Variants in TLE4 observed in about 807,000 individuals in gnomAD.
The protein encoded by TLE4 is transducin-like enhancer protein 4.
Under a neutral mutation model 92.8 loss-of-function variants are expected in TLE4, and 8 were observed. The ratio of observed to expected loss-of-function variants is 0.09; its 90% CI spans 0.05 to 0.16. The LOEUF (loss-of-function observed/expected upper bound fraction) is 0.16, where lower values mean the gene tolerates loss of function less well. TLE4 is among the 10% of genes least tolerant of loss of function. The pLI is 1.00. For missense variants in TLE4, 675 were observed against 997.6 expected, an observed-to-expected ratio of 0.68 and a Z score of 4.36; for synonymous variants, 371 against 374.1, an observed-to-expected ratio of 0.99 and a Z score of 0.10.
rs1348961332 is a variant in TLE4 at position 79,572,819 on chromosome 9, C to T, written c.29C>T (p.Pro10Leu). Residue 10 changes from proline to leucine, a missense_variant, in exon 1 of 20, where the codon CCG becomes CTG. Coordinates refer to ENST00000376552, the MANE Select transcript of TLE4 (RefSeq NM_007005.6). ...ATTCGCGACCTGAGCAAGATGTACC[C>T]GCAGACCAGACACCCAGTGAGTGCG... MIRDLSKMY[P>L]QTRHPAPHQP... The T allele has an allele frequency of 6.3e-7, 1 of 1,599,946 alleles. No individual in the cohort carries two copies. The highest frequency in any genetic ancestry group is 8.5e-7 in the Non-Finnish European group (1 of 1,174,114).
At chr9:79,581,597 C>G (rs987210226) in intron 4 of TLE4, among the ~76,000 whole-genome samples, 1 of 152,168 alleles carries the variant, frequency 6.6e-6, no homozygotes, top group Non-Finnish European at 1.5e-5. Flanking sequence ...AAATTCTTAT[C>G]GTTAGTTCTC....
chr9:79,717,504 C>T (rs990444824), intron 14 of TLE4, among the ~76,000 whole-genome samples: 3 of 152,238 alleles, frequency 2.0e-5, no homozygotes, highest in Admixed American at 6.5e-5. Flanking sequence ...AGTAAAAGCC[C>T]GCCACTGTCT....
chr9:79,617,464 A>G (rs976474436), intron 5 of TLE4, among the ~76,000 whole-genome samples: 10 of 152,178 alleles, frequency 6.6e-5, no homozygotes, highest in Non-Finnish European at 1.5e-4. Flanking sequence ...CTTGAAAAGC[A>G]GTAGGTCAGT....
intron 4 of TLE4, among the ~76,000 whole-genome samples, chr9:79,597,406 C>T (rs1373681421): frequency 6.6e-6 from 1 of 152,196 alleles, no homozygotes; most frequent in Non-Finnish European, 1.5e-5. Context: ...GCTCTGTCCT[C>T]TTCTCTGCTT....
intron 4 of TLE4, among the ~76,000 whole-genome samples, chr9:79,583,851 C>T (rs567738632): frequency 6.6e-6 from 1 of 152,120 alleles, no homozygotes; most frequent in South Asian, 2.1e-4. Flanking sequence ...TTTAATGTTC[C>T]TTATGTTCTG....
At chr9:79,623,266 A>G (rs1444997924) in intron 5 of TLE4, among the ~76,000 whole-genome samples, 1 of 151,978 alleles carries the variant, frequency 6.6e-6, no homozygotes, top group Non-Finnish European at 1.5e-5. Context: ...GAAGTACTGC[A>G]TCTGTTGCTG....
At position 79,601,482 on chromosome 9, in the gene TLE4, T is replaced by C. The variant is rs772040359; in HGVS notation, c.253-11174T>C. On this transcript the variant is annotated intron_variant, in intron 4 of 19. Transcript: ENST00000376552. ...GAGCTGTTCTTCCAATAGCCTGTGC[T>C]CACTTCGTGTCTCTGTGTCACATTT... The C allele has an allele frequency of 2.6e-5, 12 of 454,764 alleles. No homozygotes were observed. In the Middle Eastern group the frequency reaches 2.3e-3, roughly 85 times the overall value. 28.2% of individuals were successfully genotyped at this position (454,764 alleles called of 1,614,324 possible).
intron 6 of TLE4, among the ~76,000 whole-genome samples, chr9:79,633,969 C>T (rs1178449912): frequency 6.6e-6 from 1 of 152,090 alleles, no homozygotes; most frequent in Non-Finnish European, 1.5e-5. Flanking sequence ...CTCAAAGCTC[C>T]CTAAGAAACC....
intron 6 of TLE4, among the ~76,000 whole-genome samples, chr9:79,628,510 G>A (rs1587506081): frequency 6.6e-6 from 1 of 151,886 alleles, no homozygotes; most frequent in Admixed American, 6.6e-5. Flanking sequence ...CTGATGTTGA[G>A]GGCGCCATAG....
At position 79,708,465 on chromosome 9, in the gene TLE4, G is replaced by A. The variant is rs559383262; in HGVS notation, c.1070-128G>A. ...GTGAATGAGTGAATTCTGAAGGCTTGAATGACTTTTGAGAATATTAAAATA... is the reference window on the plus strand; with the variant it reads ...GTGAATGAGTGAATTCTGAAGGCTTAAATGACTTTTGAGAATATTAAAATA... On this transcript the variant is annotated intron_variant, in intron 12 of 19. Transcript: ENST00000376552. 10 of 1,144,592 alleles carry A rather than the reference G, an allele frequency of 8.7e-6. No individual in the cohort carries two copies. The African/African-American group carries it at 1.2e-4, about 14-fold the overall frequency. The allele number at this position is 1,144,592 out of a possible 1,614,324, so 70.9% of individuals were successfully genotyped here. A position where few individuals can be genotyped will look rare whatever the true frequency, so the allele number is the denominator to read the frequency against.
At chr9:79,667,973 T>G (rs924050923) in intron 8 of TLE4, among the ~76,000 whole-genome samples, 1 of 152,222 alleles carries the variant, frequency 6.6e-6, no homozygotes. Context: ...AGAGCCCTAT[T>G]TAGTAGTTTA....
At chr9:79,702,304 CCT>C (rs1191715870) in intron 8 of TLE4, among the ~76,000 whole-genome samples, 1 of 152,088 alleles carries the variant, frequency 6.6e-6, no homozygotes, top group Non-Finnish European at 1.5e-5. Flanking sequence ...ACAGGCTGAA[CCT>C]CTCTTTGGGA....
At chr9:79,665,495 G>A (rs1159574129) in intron 8 of TLE4, among the ~76,000 whole-genome samples, 1 of 152,188 alleles carries the variant, frequency 6.6e-6, no homozygotes, top group African/African-American at 2.4e-5. Flanking sequence ...TTTAAAATGT[G>A]CATATAAAAC....
At chr9:79,660,871 C>A (rs1249613262) in intron 8 of TLE4, among the ~76,000 whole-genome samples, 1 of 152,092 alleles carries the variant, frequency 6.6e-6, no homozygotes, top group East Asian at 1.9e-4. Flanking sequence ...TTTGCAGCAC[C>A]CTCCTCCGCC....
At position 79,652,805 on chromosome 9, in the gene TLE4, C is replaced by T; in HGVS notation, c.592+11C>T. 5.6e-6 allele frequency: 9 copies of T among 1,613,574 alleles called. No homozygotes were observed. Among genetic ancestry groups the T allele is most frequent in the Non-Finnish European group, 7.6e-6 (9 of 1,179,566 alleles). ...ATGATCACCAAAGAGGTGAGTAACTCTCTTGGAATGCCAATCTGAGATGAC... is the reference window on the plus strand; with the variant it reads ...ATGATCACCAAAGAGGTGAGTAACTTTCTTGGAATGCCAATCTGAGATGAC... On this transcript the variant is annotated intron_variant, in intron 7 of 19. Coordinates refer to ENST00000376552, the MANE Select transcript of TLE4 (RefSeq NM_007005.6).
At chr9:79,708,094 G>T (rs1448774980) in intron 11 of TLE4, 24 bp from the exon 12 acceptor site, 15 of 1,610,926 alleles carry the variant, frequency 9.3e-6, no homozygotes, top group Non-Finnish European at 1.1e-5. Flanking sequence ...CTAATTGCTG[G>T]TATATGTCAT....
At chr9:79,593,272 A>G (rs1228908693) in intron 4 of TLE4, among the ~76,000 whole-genome samples, 1 of 152,136 alleles carries the variant, frequency 6.6e-6, no homozygotes, top group Non-Finnish European at 1.5e-5. Flanking sequence ...TGTCAGAAAC[A>G]TACGTTGCTT....
intron 8 of TLE4, among the ~76,000 whole-genome samples, chr9:79,700,607 G>C (rs142829540): frequency 2.2e-4 from 34 of 152,094 alleles, no homozygotes; most frequent in Non-Finnish European, 4.6e-4. Context: ...AAAGCAATTG[G>C]GGTTTCCATG....
chr9:79,665,668 G>A (rs543073735), intron 8 of TLE4, among the ~76,000 whole-genome samples: 13 of 152,282 alleles, frequency 8.5e-5, no homozygotes, highest in Admixed American at 7.2e-4. Flanking sequence ...CCTTTTACTC[G>A]AATTCAGAAA....
Sources: allele counts gnomAD v4.1 joint callset (sites outside exome capture counted in the v4.1 genomes callset), GRCh38; gene constraint gnomAD v4.1.1; transcripts MANE v1.5; gene names NCBI Gene and HGNC (gene_info 2026-07-23, HGNC 2026-07-21).